The following ASIC2 variants were observed in gnomAD, a reference collection of about 807,000 sequenced individuals.
The protein encoded by ASIC2 is acid-sensing ion channel 2.
In ASIC2, 25 loss-of-function variants were observed where a neutral mutation model predicts 57.3. That is an observed-to-expected ratio of 0.44 (90% CI 0.32 to 0.61). ASIC2 has a LOEUF of 0.61. Among genes scored for constraint, ASIC2 ranks in the 20% least tolerant of loss-of-function variants. The probability of loss-of-function intolerance (pLI) is 0.06; values close to 1 mark genes in which losing one functional copy is unlikely to be tolerated. For missense variants in ASIC2, 641 were observed against 738.1 expected (o/e 0.87, Z 1.52); for synonymous variants, 319 against 307.5 (o/e 1.04, Z -0.39).
At chr17:33,224,072 C>T (rs537140280) in intron 1 of ASIC2, among the ~76,000 whole-genome samples, 2 of 152,332 alleles carry the variant, frequency 1.3e-5, no homozygotes, top group South Asian at 2.1e-4. Context: ...TTGTGGACTA[C>T]ATGAGGCTTG....
At chr17:34,154,195 A>G (rs980044380) in intron 1 of ASIC2, among the ~76,000 whole-genome samples, 2 of 152,246 alleles carry the variant, frequency 1.3e-5, no homozygotes, top group African/African-American at 4.8e-5. Context: ...TGCACGGTGC[A>G]GTGGTGAAGC....
At chr17:33,859,109 C>T (rs1486843777) in intron 1 of ASIC2, among the ~76,000 whole-genome samples, 1 of 152,200 alleles carries the variant, frequency 6.6e-6, no homozygotes, top group African/African-American at 2.4e-5. Context: ...TGTGTCCACA[C>T]ACATAAATCT....
intron 1 of ASIC2, among the ~76,000 whole-genome samples, chr17:33,585,900 T>TA (rs1412924505): frequency 6.6e-6 from 1 of 152,214 alleles, no homozygotes; most frequent in African/African-American, 2.4e-5. Flanking sequence ...GAGGAATAAA[T>TA]ATACAGTCTG....
intron 1 of ASIC2, among the ~76,000 whole-genome samples, chr17:33,970,173 C>G (rs911530987): frequency 6.6e-6 from 1 of 152,146 alleles, no homozygotes; most frequent in Non-Finnish European, 1.5e-5. Context: ...CTGGCCTCTA[C>G]CCACTAGATG....
chr17:34,075,729 A>C (rs1242215117), intron 1 of ASIC2, among the ~76,000 whole-genome samples: 1 of 151,404 alleles, frequency 6.6e-6, no homozygotes, highest in Non-Finnish European at 1.5e-5. Context: ...TCCCAGTCAC[A>C]CAGCCTCCTT....
chr17:33,404,159 G>A (rs1191611366), intron 1 of ASIC2, among the ~76,000 whole-genome samples: 1 of 152,208 alleles, frequency 6.6e-6, no homozygotes, highest in Non-Finnish European at 1.5e-5. Context: ...GGCATGCTTA[G>A]TGGTTGCTAG....
intron 1 of ASIC2, among the ~76,000 whole-genome samples, chr17:34,042,072 G>A (rs938490356): frequency 4.6e-5 from 7 of 152,172 alleles, no homozygotes; most frequent in African/African-American, 1.7e-4. Flanking sequence ...AAATCCAGAG[G>A]ACAAGCTTTT....
intron 1 of ASIC2, among the ~76,000 whole-genome samples, chr17:33,999,418 G>A (rs944974280): frequency 6.6e-6 from 1 of 152,056 alleles, no homozygotes; most frequent in Non-Finnish European, 1.5e-5. Context: ...ATTTCTGATT[G>A]TTTTGTAGTT....
At chr17:33,914,958 T>A (rs1445811254) in intron 1 of ASIC2, among the ~76,000 whole-genome samples, 1 of 152,240 alleles carries the variant, frequency 6.6e-6, no homozygotes, top group Admixed American at 6.5e-5. Context: ...TGATCCATCA[T>A]GTTTAGAACT....
chr17:33,212,053 C>T (rs903952332), intron 1 of ASIC2, among the ~76,000 whole-genome samples: 9 of 152,148 alleles, frequency 5.9e-5, no homozygotes, highest in South Asian at 2.1e-4. Context: ...AGGTAGCAAG[C>T]GCCAGAGCTA....
At chr17:33,079,299 G>A (rs1205397132) in intron 3 of ASIC2, among the ~76,000 whole-genome samples, 3 of 152,142 alleles carry the variant, frequency 2.0e-5, no homozygotes, top group African/African-American at 7.2e-5. Context: ...ATAATACTCT[G>A]GTATGGCCAT....
chr17:33,072,116 C>G (rs1001186714), intron 3 of ASIC2, among the ~76,000 whole-genome samples: 3 of 152,114 alleles, frequency 2.0e-5, no homozygotes, highest in Non-Finnish European at 4.4e-5. Context: ...TTTCTGGACT[C>G]ATAGCTCTGT....
At chr17:33,721,835 A>C (rs1778498477) in intron 1 of ASIC2, among the ~76,000 whole-genome samples, 1 of 152,232 alleles carries the variant, frequency 6.6e-6, no homozygotes, top group South Asian at 2.1e-4. Context: ...ACAAAGTGCT[A>C]AGGTCAGCTC....
chr17:33,312,586 G>C lies in ASIC2; in HGVS notation c.556-200519C>G, dbSNP rs16968239. 7.0e-3 allele frequency among the ~76,000 whole-genome samples: 1,067 copies of C among 152,300 alleles called. 13 individuals are homozygous for C. The highest frequency in any genetic ancestry group is 0.024 in the African/African-American group (1,002 of 41,568). On this transcript the variant is annotated intron_variant, in intron 1 of 9. Transcript: ENST00000359872. ...AGAAGAGGGATGAGCGGCAAGGGCT[G>C]CACCTACTTAGCTTTTTGGAGAGAA...
chr17:33,743,971 C>T lies in ASIC2; in HGVS notation c.555+412007G>A, dbSNP rs149370047. Among the ~76,000 whole-genome samples the T allele has an allele frequency of 2.0e-5, 3 of 152,300 alleles. No homozygotes were observed. The South Asian group carries it at 6.2e-4, about 32-fold the overall frequency. Reference sequence around the variant, plus strand: ...CGTAGGACATGCTGGAAGAAACAAGCTAATCAGAGGCTAGCACTCTGCCCA... The same window carrying T: ...CGTAGGACATGCTGGAAGAAACAAGTTAATCAGAGGCTAGCACTCTGCCCA... On this transcript the variant is annotated intron_variant, in intron 1 of 9. Transcript: ENST00000359872.
chr17:33,867,680 T>C (rs1411605697), intron 1 of ASIC2, among the ~76,000 whole-genome samples: 1 of 152,214 alleles, frequency 6.6e-6, no homozygotes, highest in African/African-American at 2.4e-5. Context: ...CTTGGGTAAA[T>C]GCAGCAGTGT....
intron 1 of ASIC2, among the ~76,000 whole-genome samples, chr17:33,556,757 A>G (rs1915920431): frequency 6.6e-6 from 1 of 152,200 alleles, no homozygotes; most frequent in Non-Finnish European, 1.5e-5. Flanking sequence ...GCCAGTGATG[A>G]CTATGATGAT....
chr17:33,922,860 G>A (rs1915735929), intron 1 of ASIC2, among the ~76,000 whole-genome samples: 2 of 152,132 alleles, frequency 1.3e-5, no homozygotes, highest in South Asian at 4.1e-4. Context: ...GACAGGGTGA[G>A]GATCATGTTG....
At chr17:33,848,777 C>T (rs1215860009) in intron 1 of ASIC2, among the ~76,000 whole-genome samples, 2 of 152,108 alleles carry the variant, frequency 1.3e-5, no homozygotes, top group African/African-American at 4.8e-5. Flanking sequence ...TGTTACTGGA[C>T]AAGGCCCTCA....
Sources: allele counts gnomAD v4.1 joint callset (sites outside exome capture counted in the v4.1 genomes callset), GRCh38; gene constraint gnomAD v4.1.1; transcripts MANE v1.5; gene names NCBI Gene and HGNC (gene_info 2026-07-23, HGNC 2026-07-21).